Variants in USP34 observed in about 807,000 individuals in gnomAD.
USP34 encodes ubiquitin carboxyl-terminal hydrolase 34.
Under a neutral mutation model 460.3 loss-of-function variants are expected in USP34, and 70 were observed. The ratio of observed to expected loss-of-function variants is 0.15; its 90% CI spans 0.13 to 0.19. The LOEUF is 0.19. Among genes scored for constraint, USP34 ranks in the 10% least tolerant of loss-of-function variants. The pLI, the probability that USP34 is intolerant of heterozygous loss-of-function variation, is 1.00. For synonymous variants in USP34, 1,647 were observed against 1,405.3 expected (o/e 1.17, Z -3.85); for missense variants, 3,985 against 4,236.2 (o/e 0.94, Z 1.65).
intron 20 of USP34, among the ~76,000 whole-genome samples, chr2:61,325,915 A>G (rs755602727): frequency 2.6e-5 from 4 of 152,260 alleles, no homozygotes; most frequent in Non-Finnish European, 4.4e-5. Context: ...AGTAGAGCTG[A>G]TACAAAATTT....
At chr2:61,297,579 T>G (rs1037172751) in intron 29 of USP34, among the ~76,000 whole-genome samples, 6 of 152,274 alleles carry the variant, frequency 3.9e-5, no homozygotes, top group Non-Finnish European at 7.4e-5. Context: ...AAACTAAAAT[T>G]GACAGTTTTG....
At position 61,387,528 on chromosome 2, in the gene USP34, T is replaced by C. The variant is rs552941690; in HGVS notation, c.754-4192A>G. On this transcript the variant is annotated intron_variant, in intron 5 of 79. Transcript: ENST00000398571. ...ATATGTATGTATGTATATATATTTA[T>C]ATATACACACATATATAAAATATAT... Among the ~76,000 whole-genome samples the C allele has an allele frequency of 4.7e-5, 7 of 147,638 alleles. No individual in the cohort carries two copies. In the South Asian group the frequency reaches 1.3e-3, roughly 27 times the overall value.
At chr2:61,424,749 A>G (rs562000791) in intron 1 of USP34, among the ~76,000 whole-genome samples, 7 of 152,210 alleles carry the variant, frequency 4.6e-5, no homozygotes, top group Admixed American at 2.6e-4. Context: ...TTTATGTTCT[A>G]TATTTTTTTT....
intron 33 of USP34, among the ~76,000 whole-genome samples, chr2:61,290,311 A>G (rs973053853): frequency 6.6e-6 from 1 of 152,152 alleles, no homozygotes; most frequent in Non-Finnish European, 1.5e-5. Context: ...TACACTTACC[A>G]TATTATTTAG....
At chr2:61,378,829 C>T (rs1692874855) in intron 7 of USP34, among the ~76,000 whole-genome samples, 1 of 144,692 alleles carries the variant, frequency 6.9e-6, no homozygotes, top group Non-Finnish European at 1.5e-5. Context: ...CACTTGAACC[C>T]AGGAGGCAGA....
In USP34 at chr2:61,314,693, C is replaced by T; in HGVS notation, c.3434G>A (p.Ser1145Asn). The T allele has an allele frequency of 1.2e-6, 2 of 1,600,166 alleles. No homozygotes were observed. The highest frequency in any genetic ancestry group is 2.3e-5 in the South Asian group (2 of 88,026). Residue 1145 changes from serine (S) to asparagine (N), a missense_variant, in exon 25 of 80, where the codon AGT (serine) becomes AAT (asparagine). Around this residue, in one of 14 missense-constraint regions of USP34, gnomAD observed 1,114 missense variants for 1,122.5 expected, o/e 0.99. Transcript: ENST00000398571. Reference sequence around the variant, plus strand: ...AAGACTGCTAGAAGCTATCATAAGACTCTCCATGCACTTACTAATAAATTC... The same window carrying T: ...AAGACTGCTAGAAGCTATCATAAGATTCTCCATGCACTTACTAATAAATTC... ...EQEFISKCMESLMIASSSLEQ... is the reference protein window; with the variant it reads ...EQEFISKCMENLMIASSSLEQ...
At chr2:61,292,944 A>G (rs1005231067) in intron 33 of USP34, among the ~76,000 whole-genome samples, 1 of 152,134 alleles carries the variant, frequency 6.6e-6, no homozygotes, top group African/African-American at 2.4e-5. Context: ...GTTGAGGACC[A>G]ATACTTTTGT....
chr2:61,229,487 A>AAAACAAAAAAACCACACACACACAAC, intron 59 of USP34, 61 bp downstream of exon 59: 1 of 820,746 alleles, frequency 1.2e-6, no homozygotes, highest in Non-Finnish European at 1.6e-6. Context: ...AAAAAAAAAA[A>AAAACAAAAAAACCACACACACACAAC]ACAAAAACAC....
chr2:61,206,157 T>A (rs780100122), intron 71 of USP34, 33 bp from the exon 72 acceptor site: 1 of 1,561,404 alleles, frequency 6.4e-7, no homozygotes, highest in Non-Finnish European at 8.8e-7. Flanking sequence ...AAATATGCCA[T>A]CTGAGATCAA....
chr2:61,435,827 G>A (rs189967135), intron 1 of USP34, among the ~76,000 whole-genome samples: 111 of 152,016 alleles, frequency 7.3e-4, no homozygotes, highest in Non-Finnish European at 1.1e-3. Context: ...TCAGGAGTTC[G>A]AGACCAGCCT....
intron 10 of USP34, among the ~76,000 whole-genome samples, chr2:61,358,608 G>A (rs1193252246): frequency 6.6e-6 from 1 of 152,110 alleles, no homozygotes; most frequent in Non-Finnish European, 1.5e-5. Context: ...ACACTGTAAT[G>A]AACTACTAGC....
intron 67 of USP34, among the ~76,000 whole-genome samples, chr2:61,219,131 T>G (rs1338293143): frequency 6.6e-6 from 1 of 152,250 alleles, no homozygotes; most frequent in Non-Finnish European, 1.5e-5. Context: ...TATTTTATCC[T>G]TGGGGTTATA....
intron 35 of USP34, among the ~76,000 whole-genome samples, chr2:61,283,905 G>C (rs1052135318): frequency 3.3e-5 from 5 of 150,604 alleles, no homozygotes; most frequent in African/African-American, 1.2e-4. Context: ...GTAGAATAAT[G>C]GTTACCAGAG....
At position 61,470,883 on chromosome 2, in the gene USP34, G is replaced by C. The variant is rs1194756412; in HGVS notation, c.-191C>G. 2.9e-6 allele frequency: 1 copy of C among 344,964 alleles called. No homozygotes were observed. The highest frequency in any genetic ancestry group is 5.3e-6 in the Non-Finnish European group (1 of 186,952). The allele number at this position is 344,964 out of a possible 1,614,324, so 21.4% of individuals were successfully genotyped here. ...GGAGGGGGCCGGCGGTCCCCGCAGC[G>C]GGAGGGGGAGAGGAGGGGAGCGAGG... On this transcript the variant is annotated 5_prime_UTR_variant, in exon 1 of 80. Transcript: ENST00000398571.
chr2:61,362,825 CTA>C (rs1003417827), intron 10 of USP34, among the ~76,000 whole-genome samples: 2 of 152,162 alleles, frequency 1.3e-5, no homozygotes, highest in African/African-American at 4.8e-5. Flanking sequence ...TTATTTCACA[CTA>C]TGCACATTAA....
At chr2:61,192,688 T>TC (rs1350588437) in intron 76 of USP34, among the ~76,000 whole-genome samples, 1 of 152,236 alleles carries the variant, frequency 6.6e-6, no homozygotes, top group African/African-American at 2.4e-5. Context: ...TAAAATATCC[T>TC]CTATGATAGA....
At chr2:61,402,553 T>C (rs1321246996) in intron 3 of USP34, among the ~76,000 whole-genome samples, 5 of 152,228 alleles carry the variant, frequency 3.3e-5, no homozygotes, top group Non-Finnish European at 5.9e-5. Context: ...TTAACCTCTG[T>C]AGGCCAGTTG....
At chr2:61,320,175 A>G (rs965526873) in intron 21 of USP34, among the ~76,000 whole-genome samples, 2 of 152,206 alleles carry the variant, frequency 1.3e-5, no homozygotes, top group East Asian at 1.9e-4. Flanking sequence ...CTATGTTACA[A>G]TTTGTATTCA....
At chr2:61,283,037 T>A in intron 37 of USP34, 108 bp downstream of exon 37, 1 of 1,158,896 alleles carries the variant, frequency 8.6e-7, no homozygotes, top group Non-Finnish European at 1.2e-6. Flanking sequence ...TAATGTGATA[T>A]ATTTATGGAC....
Sources: allele counts gnomAD v4.1 joint callset (sites outside exome capture counted in the v4.1 genomes callset), GRCh38; gene constraint gnomAD v4.1.1; regional missense constraint gnomAD v4.1.1; transcripts MANE v1.5; gene names NCBI Gene and HGNC (gene_info 2026-07-23, HGNC 2026-07-21).